Variants in MCTP2 observed in about 807,000 individuals in gnomAD.
MCTP2 encodes the protein multiple C2 and transmembrane domain-containing protein 2.
A neutral mutation model predicts 111.6 loss-of-function variants in MCTP2; 132 were observed. The ratio of observed to expected loss-of-function variants is 1.18; its 90% CI spans 1.03 to 1.37. The LOEUF (loss-of-function observed/expected upper bound fraction) is 1.37. Among genes scored for constraint, MCTP2 ranks in the 40% most tolerant of loss-of-function variants. The pLI is 0.00. For synonymous variants in MCTP2, 395 were observed against 387.7 expected (o/e 1.02, Z -0.22); for missense variants, 1,183 against 1,067.9 (o/e 1.11, Z -1.50).
intron 10 of MCTP2, among the ~76,000 whole-genome samples, chr15:94,359,960 G>T (rs1202489582): frequency 6.6e-6 from 1 of 152,126 alleles, no homozygotes; most frequent in African/African-American, 2.4e-5. Context: ...GGACTGTCTG[G>T]CATGTTGCAG....
intron 11 of MCTP2, 57 bp from the exon 12 acceptor site, chr15:94,370,030 A>T: frequency 8.7e-7 from 1 of 1,144,716 alleles, no homozygotes; most frequent in Non-Finnish European, 1.3e-6. Context: ...GGACTTTATG[A>T]CATTAAGTAG....
chr15:94,305,811 G>A (rs1400164604), intron 2 of MCTP2, among the ~76,000 whole-genome samples: 2 of 152,186 alleles, frequency 1.3e-5, no homozygotes, highest in Non-Finnish European at 1.5e-5. Context: ...CTAAGCATCA[G>A]ATGAAATGTG....
At chr15:94,269,096 C>T (rs1373602649) in intron 1 of MCTP2, among the ~76,000 whole-genome samples, 1 of 152,076 alleles carries the variant, frequency 6.6e-6, no homozygotes, top group African/African-American at 2.4e-5. Context: ...CAACAATGTT[C>T]ATTTGTCTTT....
intron 2 of MCTP2, among the ~76,000 whole-genome samples, chr15:94,312,966 G>C (rs986706516): frequency 6.6e-6 from 1 of 152,134 alleles, no homozygotes; most frequent in South Asian, 2.1e-4. Context: ...GTCATGTCCA[G>C]GTGGTCACTG....
intron 17 of MCTP2, among the ~76,000 whole-genome samples, chr15:94,435,277 C>T (rs2083410302): frequency 6.6e-6 from 1 of 152,154 alleles, no homozygotes; most frequent in Non-Finnish European, 1.5e-5. Context: ...CCAAATCTTC[C>T]ACTCCATGAA....
chr15:94,301,473 CCTTA>C (rs1450069851), intron 2 of MCTP2, among the ~76,000 whole-genome samples: 5 of 152,306 alleles, frequency 3.3e-5, no homozygotes, highest in Admixed American at 2.6e-4. Context: ...AGAGGGGCTT[CCTTA>C]CTTATCTTCT....
At chr15:94,315,445 C>G in intron 3 of MCTP2, 84 bp from the exon 4 acceptor site, 1 of 953,352 alleles carries the variant, frequency 1.0e-6, no homozygotes, top group South Asian at 1.5e-5. Context: ...TTTCTTTTTT[C>G]CCTCCAAAAT....
chr15:94,252,495 A>G (rs561440058), intron 1 of MCTP2, among the ~76,000 whole-genome samples: 48 of 152,326 alleles, frequency 3.2e-4, no homozygotes, highest in African/African-American at 1.1e-3. Flanking sequence ...TCCATCTTTA[A>G]TTAGCCATTT....
At chr15:94,339,508 TGA>T in intron 5 of MCTP2, 76 bp downstream of exon 5, 8 of 1,234,234 alleles carry the variant, frequency 6.5e-6, no homozygotes, top group Admixed American at 2.5e-5. Flanking sequence ...CTCTTAGACG[TGA>T]ACTTGCCAAA....
At chr15:94,315,693 C>A in intron 4 of MCTP2, 56 bp downstream of exon 4, 3 of 1,252,728 alleles carry the variant, frequency 2.4e-6, no homozygotes, top group South Asian at 1.2e-5. Flanking sequence ...TCTCTCTGTC[C>A]TTGTATCAAT....
chr15:94,335,674 T>A (rs997593658), intron 4 of MCTP2, among the ~76,000 whole-genome samples: 1 of 152,210 alleles, frequency 6.6e-6, no homozygotes, highest in African/African-American at 2.4e-5. Context: ...TACTAGTTAA[T>A]AAAATTGGAA....
intron 20 of MCTP2, among the ~76,000 whole-genome samples, chr15:94,468,583 C>CAT (rs1006271048): frequency 1.4e-4 from 21 of 151,934 alleles, no homozygotes; most frequent in Non-Finnish European, 2.4e-4. Flanking sequence ...TTGAAAAAGA[C>CAT]ATATATATAT....
chr15:94,332,773 A>G (rs1216868707), intron 4 of MCTP2, among the ~76,000 whole-genome samples: 1 of 152,256 alleles, frequency 6.6e-6, no homozygotes, highest in Non-Finnish European at 1.5e-5. Flanking sequence ...GCTGATAGCA[A>G]ATAAGTAAGC....
chr15:94,334,615 A>G (rs1265091747), intron 4 of MCTP2, among the ~76,000 whole-genome samples: 2 of 152,212 alleles, frequency 1.3e-5, no homozygotes, highest in African/African-American at 4.8e-5. Context: ...AGCTCATGGT[A>G]AACTCTAAAT....
intron 14 of MCTP2, among the ~76,000 whole-genome samples, chr15:94,388,705 C>T (rs552966593): frequency 6.6e-6 from 1 of 152,256 alleles, no homozygotes; most frequent in East Asian, 1.9e-4. Flanking sequence ...TTACACTTGG[C>T]ATGTGCTGAA....
chr15:94,390,090 GTATATATATATA>G lies in MCTP2; in HGVS notation c.1788+4577_1788+4588del, dbSNP rs1168909587. Among the ~76,000 whole-genome samples, 70 of 64,924 alleles carry G rather than the reference GTATATATATATA, an allele frequency of 1.1e-3. 5 individuals carry two copies. Among genetic ancestry groups the G allele is most frequent in the African/African-American group, 2.5e-3 (59 of 23,670 alleles). 42.6% of individuals were successfully genotyped at this position (64,924 alleles called of 152,430 possible). ...TATATATATATATATATATATATAT[GTATATATATATA>G]TATATATATATGTATATATATATAT... On this transcript the variant is annotated intron_variant, in intron 14 of 22. Coordinates refer to ENST00000357742, the MANE Select transcript of MCTP2 (RefSeq NM_001385001.1).
chr15:94,406,640 G>A lies in MCTP2; in HGVS notation c.2085+4621G>A, dbSNP rs1407721229. ...AAACATGGAAATGCCCAGCCCCTGGGCATCACATGCATTTGGCATCCTTGG... is the reference window on the plus strand; with the variant it reads ...AAACATGGAAATGCCCAGCCCCTGGACATCACATGCATTTGGCATCCTTGG... On this transcript the variant is annotated intron_variant, in intron 17 of 22. Coordinates refer to ENST00000357742, the MANE Select transcript of MCTP2 (RefSeq NM_001385001.1). Among the ~76,000 whole-genome samples the A allele has an allele frequency of 2.0e-5, 3 of 152,330 alleles. No homozygotes were observed. In the East Asian group the frequency reaches 5.8e-4, roughly 29 times the overall value.
chr15:94,462,400 G>A (rs970986459), intron 20 of MCTP2, among the ~76,000 whole-genome samples: 4 of 152,186 alleles, frequency 2.6e-5, no homozygotes, highest in Non-Finnish European at 5.9e-5. Context: ...TCCCAAGTGA[G>A]GAAAACTGGA....
intron 3 of MCTP2, 82 bp from the exon 4 acceptor site, chr15:94,315,447 C>T: frequency 1.0e-6 from 1 of 1,000,646 alleles, no homozygotes; most frequent in Admixed American, 2.2e-5. Context: ...TCTTTTTTCC[C>T]TCCAAAATCG....
Sources: allele counts gnomAD v4.1 joint callset (sites outside exome capture counted in the v4.1 genomes callset), GRCh38; gene constraint gnomAD v4.1.1; transcripts MANE v1.5; gene names NCBI Gene and HGNC (gene_info 2026-07-23, HGNC 2026-07-21).